The following EXOC6B variants were observed in gnomAD, a reference collection of about 807,000 sequenced individuals.
The protein encoded by EXOC6B is exocyst complex component 6B.
EXOC6B carries 54 observed loss-of-function variants against 113.5 expected under a neutral mutation model. That is an observed-to-expected ratio of 0.48 (90% CI 0.38 to 0.60). The LOEUF (loss-of-function observed/expected upper bound fraction) is 0.60, where lower values mean the gene tolerates loss of function less well. Among genes scored for constraint, EXOC6B ranks in the 20% least tolerant of loss-of-function variants. The pLI is 0.00. For synonymous variants in EXOC6B, 357 were observed against 339.0 expected (o/e 1.05, Z -0.58); for missense variants, 797 against 977.5 (o/e 0.82, Z 2.46).
intron 20 of EXOC6B, among the ~76,000 whole-genome samples, chr2:72,251,952 C>T (rs1048387520): frequency 6.6e-6 from 1 of 152,126 alleles, no homozygotes; most frequent in Non-Finnish European, 1.5e-5. Context: ...CCCCCTTCTT[C>T]TCTTACAATG....
chr2:72,722,701 G>A (rs1480775669), intron 5 of EXOC6B, among the ~76,000 whole-genome samples: 1 of 152,170 alleles, frequency 6.6e-6, no homozygotes, highest in African/African-American at 2.4e-5. Flanking sequence ...GAAGAGCTAT[G>A]TGCAATAAAA....
intron 14 of EXOC6B, among the ~76,000 whole-genome samples, chr2:72,495,964 A>C (rs1382459601): frequency 6.6e-6 from 1 of 152,108 alleles, no homozygotes; most frequent in Non-Finnish European, 1.5e-5. Flanking sequence ...GGCTGGGTTA[A>C]GGGAGGGGTA....
rs35799079 is a variant in EXOC6B at position 72,366,280 on chromosome 2, T to TAA, written c.2122+13447_2122+13448dup. 4.3e-4 allele frequency among the ~76,000 whole-genome samples: 60 copies of TAA among 141,148 alleles called. 1 individual carries two copies. Among genetic ancestry groups the TAA allele is most frequent in the African/African-American group, 1.4e-3 (53 of 38,778 alleles). 92.6% of individuals were successfully genotyped at this position (141,148 alleles called of 152,430 possible). A position where few individuals can be genotyped will look rare whatever the true frequency, so the allele number is the denominator to read the frequency against. On this transcript the variant is annotated intron_variant, in intron 19 of 21. Coordinates refer to ENST00000272427, the MANE Select transcript of EXOC6B (RefSeq NM_015189.3). ...GAACAAAATGGAGTTCATATAAAAGTAAAAAAAAAAACACCTCAAATGACA... is the reference window on the plus strand; with the variant it reads ...GAACAAAATGGAGTTCATATAAAAGTAAAAAAAAAAAAACACCTCAAATGACA...
chr2:72,515,677 G>A (rs939434919), intron 8 of EXOC6B: 28 of 988,158 alleles, frequency 2.8e-5, no homozygotes, highest in African/African-American at 1.4e-4. Flanking sequence ...CCCACTTTTC[G>A]TTTAGGGTTT....
At chr2:72,715,171 G>C (rs1423568931) in intron 6 of EXOC6B, among the ~76,000 whole-genome samples, 1 of 152,088 alleles carries the variant, frequency 6.6e-6, no homozygotes, top group Non-Finnish European at 1.5e-5. Context: ...AGCTTGCAGT[G>C]AGCCGAGATT....
At chr2:72,220,693 A>G (rs1458935363) in intron 20 of EXOC6B, among the ~76,000 whole-genome samples, 1 of 152,148 alleles carries the variant, frequency 6.6e-6, no homozygotes, top group Non-Finnish European at 1.5e-5. Flanking sequence ...TTTGAAATCA[A>G]TTTACTTTAT....
chr2:72,503,841 T>C (rs1367966240), intron 11 of EXOC6B, among the ~76,000 whole-genome samples: 2 of 152,018 alleles, frequency 1.3e-5, no homozygotes, highest in Admixed American at 6.6e-5. Context: ...ATGCTGCACA[T>C]TCTCTCCAGC....
intron 20 of EXOC6B, among the ~76,000 whole-genome samples, chr2:72,232,360 T>C (rs895054046): frequency 6.6e-6 from 1 of 152,172 alleles, no homozygotes; most frequent in Non-Finnish European, 1.5e-5. Context: ...TCATGTATTA[T>C]ACATGGGAGT....
At chr2:72,580,841 G>T (rs559423410) in intron 6 of EXOC6B, among the ~76,000 whole-genome samples, 1 of 152,326 alleles carries the variant, frequency 6.6e-6, no homozygotes, top group Admixed American at 6.5e-5. Flanking sequence ...GGAGCTGACA[G>T]AAATGTTTCT....
Position 72,721,011 on chromosome 2 carries a change from A to C in EXOC6B, c.465-2704T>G, listed in dbSNP as rs574372794. On this transcript the variant is annotated intron_variant, in intron 5 of 21. Coordinates refer to ENST00000272427, the MANE Select transcript of EXOC6B (RefSeq NM_015189.3). ...CATAAGAATAAAGAGAAAAACTGGT[A>C]ACGTTTATTTGTAATGTGTACCTAA... is the stretch of plus-strand genomic sequence containing the variant. Among the ~76,000 whole-genome samples, 29 of 152,148 alleles carry C rather than the reference A, an allele frequency of 1.9e-4. No individual in the cohort carries two copies. In the East Asian group the frequency reaches 2.7e-3, roughly 14 times the overall value.
chr2:72,518,468 T>C (rs1352234936), intron 8 of EXOC6B, among the ~76,000 whole-genome samples: 2 of 146,062 alleles, frequency 1.4e-5, no homozygotes, highest in Non-Finnish European at 3.0e-5. Context: ...TACAGAATCC[T>C]ATGGATTAAA....
At chr2:72,700,317 A>T (rs1239732008) in intron 6 of EXOC6B, among the ~76,000 whole-genome samples, 1 of 151,336 alleles carries the variant, frequency 6.6e-6, no homozygotes, top group African/African-American at 2.4e-5. Context: ...TTGAGAGAGT[A>T]AGGGCTATTC....
chr2:72,546,746 G>T (rs1030091303), intron 8 of EXOC6B, among the ~76,000 whole-genome samples: 5 of 152,166 alleles, frequency 3.3e-5, no homozygotes, highest in African/African-American at 1.2e-4. Flanking sequence ...CATGCATAAT[G>T]GCTGCTCAGG....
chr2:72,653,599 C>CCA (rs1033347236), intron 6 of EXOC6B, among the ~76,000 whole-genome samples: 1 of 88,882 alleles, frequency 1.1e-5, no homozygotes, highest in Admixed American at 9.4e-5. Context: ...TTGCCAGCAA[C>CCA]CCCCCCCCAA....
chr2:72,412,799 C>T (rs1001735804), intron 18 of EXOC6B, among the ~76,000 whole-genome samples: 1 of 152,180 alleles, frequency 6.6e-6, no homozygotes, highest in Non-Finnish European at 1.5e-5. Flanking sequence ...TACTCCAGCT[C>T]ATCATCACCT....
intron 18 of EXOC6B, among the ~76,000 whole-genome samples, chr2:72,386,504 G>C (rs915139839): frequency 3.3e-5 from 5 of 152,174 alleles, no homozygotes; most frequent in African/African-American, 1.2e-4. Flanking sequence ...ATGGTTTCAT[G>C]GGCCAGAACC....
At chr2:72,448,582 A>G (rs1450300706) in intron 18 of EXOC6B, among the ~76,000 whole-genome samples, 2 of 152,226 alleles carry the variant, frequency 1.3e-5, no homozygotes, top group Non-Finnish European at 2.9e-5. Context: ...AGAATAAATG[A>G]ACTAAATGTT....
chr2:72,504,340 C>G (rs1290265300), intron 11 of EXOC6B, among the ~76,000 whole-genome samples: 1 of 152,140 alleles, frequency 6.6e-6, no homozygotes, highest in Admixed American at 6.5e-5. Context: ...TAATTTGTAT[C>G]CACCTAAATA....
chr2:72,392,256 C>T (rs969787990), intron 18 of EXOC6B, among the ~76,000 whole-genome samples: 4 of 152,086 alleles, frequency 2.6e-5, no homozygotes, highest in Non-Finnish European at 4.4e-5. Context: ...GTCAACATAC[C>T]AGGACTAAGA....
Sources: gnomAD v4.1 joint callset for allele counts (sites outside exome capture counted in the v4.1 genomes callset) on GRCh38, gnomAD v4.1.1 for gene constraint, MANE v1.5 for transcripts, NCBI Gene and HGNC (gene_info 2026-07-23, HGNC 2026-07-21) for gene names.